FARP2: variants seen among roughly 807,000 people sequenced by gnomAD.
The protein encoded by FARP2 is FERM, ARH/RhoGEF and pleckstrin domain protein 2.
FARP2 carries 111 observed loss-of-function variants against 130.5 expected under a neutral mutation model. That is an observed-to-expected ratio of 0.85 (90% confidence interval 0.73 to 1.00). FARP2 has a LOEUF of 1.00. FARP2 is among the 50% of genes least tolerant of loss of function. FARP2 has a pLI of 0.00. For missense variants in FARP2, 1,385 were observed against 1,346.3 expected (o/e 1.03, Z -0.45); for synonymous variants, 504 against 516.9 (o/e 0.98, Z 0.34).
rs552660370 is a variant in FARP2, at chr2:241,449,567, A to T, written c.1412-7180A>T. Among the ~76,000 whole-genome samples, 14 of 152,378 alleles carry T rather than the reference A, an allele frequency of 9.2e-5. No individual in the cohort carries two copies. In the South Asian group the frequency reaches 2.9e-3, roughly 32 times the overall value. ...TTCTCTTTCATCATCTAGTTAGATG[A>T]ATAAAAACAGTGTCTTGAAGGGAAA... On this transcript the variant is annotated intron_variant, in intron 13 of 26. Coordinates refer to ENST00000264042, the MANE Select transcript of FARP2 (RefSeq NM_014808.4).
chr2:241,491,077 G>A lies in FARP2; in HGVS notation c.2521G>A (p.Glu841Lys), dbSNP rs763683587. 1.2e-6 allele frequency: 2 copies of A among 1,613,578 alleles called. No individual in the cohort carries two copies. The highest frequency in any genetic ancestry group is 2.2e-5 in the South Asian group (2 of 91,080). ...TCCCTGCAGCACTCGGCTGGAGAAA[G>A]AGAAGTGGATGCTGGACCTGAACTC... ...VVAASTRLEK[E>K]KWMLDLNSAI... The change falls in exon 23 of 27, where the codon GAG becomes AAG. Residue 841 changes from glutamate to lysine, a missense_variant. Transcript: ENST00000264042.
Position 241,459,923 on chromosome 2 carries a change from C to T in FARP2, c.1588-2600C>T, listed in dbSNP as rs1291192693. ...TGGTGGCACCTGTGATGAGAAGTCT[C>T]ATCAGCGACTGCTGTGGCTCTCTGA... On this transcript the variant is annotated intron_variant, in intron 14 of 26. Transcript: ENST00000264042. The surrounding 1 kb of genome is among the most constrained non-coding windows in gnomAD (Gnocchi z 5.3). Among the ~76,000 whole-genome samples the T allele has an allele frequency of 6.6e-6, 1 of 152,306 alleles. No homozygotes were observed. Among genetic ancestry groups the T allele is most frequent in the South Asian group, 2.1e-4 (1 of 4,824 alleles).
At chr2:241,392,078 G>A (rs538230506) in intron 2 of FARP2, among the ~76,000 whole-genome samples, 3 of 152,322 alleles carry the variant, frequency 2.0e-5, no homozygotes, top group South Asian at 4.1e-4. Flanking sequence ...CAAGGCTGAG[G>A]TGCAGACCCA....
intron 13 of FARP2, among the ~76,000 whole-genome samples, chr2:241,448,877 T>C (rs1436145760): frequency 2.0e-5 from 3 of 152,208 alleles, no homozygotes; most frequent in Non-Finnish European, 4.4e-5. Flanking sequence ...AAATGGCCCT[T>C]GGGAAAGCTG....
At chr2:241,375,957 A>G (rs1023157072) in intron 2 of FARP2, among the ~76,000 whole-genome samples, 2 of 152,126 alleles carry the variant, frequency 1.3e-5, no homozygotes, top group Admixed American at 1.3e-4. Flanking sequence ...AATTCAATAT[A>G]TTGTAAGTTG....
intron 2 of FARP2, among the ~76,000 whole-genome samples, chr2:241,393,816 T>A (rs1269477879): frequency 6.6e-6 from 1 of 152,226 alleles, no homozygotes; most frequent in Non-Finnish European, 1.5e-5. Context: ...TTTTTAACAA[T>A]ATTGTTTATA....
intron 1 of FARP2, among the ~76,000 whole-genome samples, chr2:241,367,401 CTATT>C (rs1477480559): frequency 2.0e-5 from 3 of 152,124 alleles, no homozygotes; most frequent in Non-Finnish European, 4.4e-5. Context: ...CTCACATTGA[CTATT>C]TAGTTCCTTA....
chr2:241,372,973 C>A, intron 1 of FARP2, 111 bp from the exon 2 acceptor site: 1 of 467,598 alleles, frequency 2.1e-6, no homozygotes, highest in Non-Finnish European at 3.6e-6. Flanking sequence ...ACAGAAGTTG[C>A]AGTAATAGTA....
intron 14 of FARP2, among the ~76,000 whole-genome samples, chr2:241,461,224 C>A (rs1184227925): frequency 6.6e-6 from 1 of 152,172 alleles, no homozygotes; most frequent in Non-Finnish European, 1.5e-5. Flanking sequence ...ACCCTCACAC[C>A]TTACCTCCAC....
chr2:241,367,477 A>G (rs1305256900), intron 1 of FARP2, among the ~76,000 whole-genome samples: 1 of 152,160 alleles, frequency 6.6e-6, no homozygotes, highest in South Asian at 2.1e-4. Context: ...GCTGTGCTGC[A>G]GTAAAGAGGT....
At chr2:241,470,518 A>G (rs11682333) in intron 18 of FARP2, among the ~76,000 whole-genome samples, 56,810 of 150,424 alleles carry the variant, frequency 0.38, 10,903 homozygotes, top group Admixed American at 0.52. Context: ...AGGGGACCAT[A>G]GTTGGAGGAG....
At chr2:241,472,651 C>G (rs2064350787) in intron 18 of FARP2, among the ~76,000 whole-genome samples, 1 of 150,918 alleles carries the variant, frequency 6.6e-6, no homozygotes, top group Non-Finnish European at 1.5e-5. Context: ...AGACGCTGTT[C>G]TGAAGGTGAT....
intron 5 of FARP2, among the ~76,000 whole-genome samples, chr2:241,410,153 A>G (rs546850371): frequency 6.6e-6 from 1 of 152,206 alleles, no homozygotes; most frequent in African/African-American, 2.4e-5. Flanking sequence ...AATATTTTCA[A>G]TTGCCTTCTC....
chr2:241,385,767 A>G (rs1387200813), intron 2 of FARP2, among the ~76,000 whole-genome samples: 1 of 152,182 alleles, frequency 6.6e-6, no homozygotes, highest in Non-Finnish European at 1.5e-5. Context: ...GCCCACACCC[A>G]GAATTAACGT....
At chr2:241,398,074 G>A (rs984392154) in intron 2 of FARP2, among the ~76,000 whole-genome samples, 5 of 151,648 alleles carry the variant, frequency 3.3e-5, no homozygotes, top group East Asian at 1.9e-4. Context: ...CTCGTGATCC[G>A]CCCGCCTCGG....
intron 14 of FARP2, among the ~76,000 whole-genome samples, chr2:241,461,732 A>C (rs890803224): frequency 6.6e-6 from 1 of 152,250 alleles, no homozygotes; most frequent in Admixed American, 6.5e-5. Context: ...AGCTGGCCAC[A>C]GTCTGGAGGT....
chr2:241,465,734 G>A (rs1242865704), intron 17 of FARP2: 2 of 1,550,656 alleles, frequency 1.3e-6, no homozygotes, highest in Non-Finnish European at 1.7e-6. Context: ...ACACCATGAA[G>A]CTGAGCCACA....
At position 241,489,971 on chromosome 2, in the gene FARP2, A is replaced by G. The variant is rs150907406; in HGVS notation, c.2431A>G (p.Ser811Gly). The change falls in exon 22 of 27, where the codon AGT becomes GGT. Residue 811 changes from serine to glycine, a missense_variant. Ser to Gly is a moderately conservative substitution (Grantham distance 56, BLOSUM62 0). Coordinates refer to ENST00000264042, the MANE Select transcript of FARP2 (RefSeq NM_014808.4). Reference sequence around the variant, plus strand: ...TTTCTCCCACCCACAGGTGGAAGAAAGTGATAACGAGTGGTCTGTTCCACA... The same window carrying G: ...TTTCTCCCACCCACAGGTGGAAGAAGGTGATAACGAGTGGTCTGTTCCACA... ...LPLQGMLVEESDNEWSVPHCF... is the reference protein window; with the variant it reads ...LPLQGMLVEEGDNEWSVPHCF... The G allele has an allele frequency of 7.4e-6, 12 of 1,612,554 alleles. No homozygotes were observed. In the East Asian group the frequency reaches 2.5e-4, roughly 33 times the overall value.
At chr2:241,453,687 G>A (rs1332269505) in intron 13 of FARP2, among the ~76,000 whole-genome samples, 1 of 144,782 alleles carries the variant, frequency 6.9e-6, no homozygotes, top group East Asian at 2.1e-4. Context: ...GACCAAAAAT[G>A]TTTATTCCAA....
Sources: gnomAD v4.1 joint callset for allele counts (sites outside exome capture counted in the v4.1 genomes callset) on GRCh38, gnomAD v4.1.1 for gene constraint, Gnocchi (gnomAD v3.1) non-coding constraint, MANE v1.5 for transcripts, NCBI Gene and HGNC (gene_info 2026-07-23, HGNC 2026-07-21) for gene names.